The following LIPG variants were observed in gnomAD, a reference collection of about 807,000 sequenced individuals.
LIPG encodes the protein endothelial lipase.
LIPG carries 34 observed loss-of-function variants against 51.8 expected under a neutral mutation model. The observed-to-expected ratio is 0.66, with a 90% CI of 0.50 to 0.87. The LOEUF is 0.87. LIPG is among the 40% of genes least tolerant of loss of function. LIPG has a pLI of 0.00. For missense variants in LIPG, 580 were observed against 652.7 expected, an observed-to-expected ratio of 0.89 and a Z score of 1.21; for synonymous variants, 246 against 246.1, an observed-to-expected ratio of 1.00 and a Z score of 0.00.
chr18:49,579,341 CCTT>C (rs1405292004), intron 5 of LIPG, among the ~76,000 whole-genome samples: 1 of 151,146 alleles, frequency 6.6e-6, no homozygotes, highest in Non-Finnish European at 1.5e-5. Context: ...TTCTTCTTCT[CCTT>C]CTTCCTCACT....
At chr18:49,561,684 G>A (rs1600538257), upstream of LIPG, 2 of 1,243,084 alleles carry the variant, frequency 1.6e-6, no homozygotes, top group Admixed American at 3.8e-5. Flanking sequence ...GCCTTGGAGA[G>A]GATGCTCTCC....
At chr18:49,569,924 G>A (rs74558535) in intron 4 of LIPG, among the ~76,000 whole-genome samples, 20,385 of 152,168 alleles carry the variant, frequency 0.13, 1,463 homozygotes, top group Middle Eastern at 0.19. Flanking sequence ...AAACAAACAC[G>A]GAGAGGTGAG....
intron 4 of LIPG, among the ~76,000 whole-genome samples, chr18:49,570,874 A>T (rs776694158): frequency 5.9e-5 from 9 of 152,206 alleles, no homozygotes; most frequent in Non-Finnish European, 1.2e-4. Flanking sequence ...TTAGCTAAAT[A>T]ACGATTTGGT....
chr18:49,570,995 T>C (rs1306675883), intron 4 of LIPG, among the ~76,000 whole-genome samples: 3 of 152,250 alleles, frequency 2.0e-5, no homozygotes, highest in Non-Finnish European at 4.4e-5. Context: ...TTGAGTCTAG[T>C]ATGTGCGTGC....
chr18:49,584,743 CTG>C (rs1380251609), intron 8 of LIPG, among the ~76,000 whole-genome samples: 2 of 152,190 alleles, frequency 1.3e-5, no homozygotes, highest in Admixed American at 6.5e-5. Context: ...GTGGTCTAGA[CTG>C]TGTATGTTTT....
chr18:49,585,955 T>C (rs189823404), intron 8 of LIPG, among the ~76,000 whole-genome samples: 4 of 152,302 alleles, frequency 2.6e-5, no homozygotes, highest in African/African-American at 7.2e-5. Flanking sequence ...CTAAGGTCCT[T>C]AGGGCTTCCT....
At position 49,575,602 on chromosome 18, in the gene LIPG, C is replaced by G; in HGVS notation, c.793+12C>G. On this transcript the variant is annotated intron_variant, in intron 5 of 9. Transcript: ENST00000261292. Reference sequence around the variant, plus strand: ...AATTGCATATGGAAGTGAGTTCCCTCTTTTCTGCTTTGTGTTTGACTCAGT... The same window carrying G: ...AATTGCATATGGAAGTGAGTTCCCTGTTTTCTGCTTTGTGTTTGACTCAGT... The G allele has an allele frequency of 6.2e-7, 1 of 1,608,062 alleles. No homozygotes were observed. Among genetic ancestry groups the G allele is most frequent in the Non-Finnish European group, 8.5e-7 (1 of 1,175,404 alleles).
Position 49,591,544 on chromosome 18 carries a change from A to C in LIPG, c.*1022A>C, listed in dbSNP as rs1374447124. 1 of 152,024 alleles carries C rather than the reference A, an allele frequency of 6.6e-6. No individual in the cohort carries two copies. Among genetic ancestry groups the C allele is most frequent in the Non-Finnish European group, 1.5e-5 (1 of 68,004 alleles). 9.4% of individuals were successfully genotyped at this position (152,024 alleles called of 1,614,324 possible). On this transcript the variant is annotated 3_prime_UTR_variant, in exon 10 of 10. Transcript: ENST00000261292. ...ATAGAAGTTATGACATATGTAATAC[A>C]CATCTGTGTACACAGAAACCGGCAC...
chr18:49,561,729 T>G, upstream of LIPG: 1 of 1,242,834 alleles, frequency 8.0e-7, no homozygotes, highest in Non-Finnish European at 1.0e-6. Context: ...GGACGCAGAG[T>G]TTCAGGGAAA....
chr18:49,582,917 C>T (rs1310319425), intron 7 of LIPG, among the ~76,000 whole-genome samples: 1 of 152,194 alleles, frequency 6.6e-6, no homozygotes, highest in East Asian at 1.9e-4. Context: ...AGCATCATGC[C>T]AAGTAATGTT....
At position 49,575,577 on chromosome 18, in the gene LIPG, A is replaced by C. The variant is rs2084707624; in HGVS notation, c.780A>C (p.Ser260=). ...GTGGACTCAACGATGTCTTGGGATC[A>C]ATTGCATATGGAAGTGAGTTCCCTC... ...PGCGLNDVLG[S]IAYGTITEVV... is the part of the protein sequence containing the mutation. The change falls in exon 5 of 10, where the codon TCA becomes TCC. Residue 260 remains serine (S), a synonymous_variant. Transcript: ENST00000261292. 1 of 1,614,034 alleles carries C rather than the reference A, an allele frequency of 6.2e-7. No individual in the cohort carries two copies. Among genetic ancestry groups the C allele is most frequent in the Non-Finnish European group, 8.5e-7 (1 of 1,179,944 alleles).
In LIPG at chr18:49,562,332, C is replaced by G; in HGVS notation, c.24C>G (p.Leu8=). The G allele has an allele frequency of 6.2e-7, 1 of 1,613,666 alleles. No homozygotes were observed. Among genetic ancestry groups the G allele is most frequent in the South Asian group, 1.1e-5 (1 of 91,050 alleles). Reference sequence around the variant, plus strand: ...GGATGAGCAACTCCGTTCCTCTGCTCTGTTTCTGGAGCCTCTGCTATTGCT... The same window carrying G: ...GGATGAGCAACTCCGTTCCTCTGCTGTGTTTCTGGAGCCTCTGCTATTGCT... MSNSVPL[L]CFWSLCYCFA... Residue 8 remains leucine, a synonymous_variant, in exon 1 of 10, where the codon CTC becomes CTG. Transcript: ENST00000261292.
At chr18:49,561,826 G>A, upstream of LIPG, 1 of 1,254,678 alleles carries the variant, frequency 8.0e-7, no homozygotes, top group Non-Finnish European at 1.0e-6. Flanking sequence ...TGGAGCTGCT[G>A]GAGTCGCAGC....
At chr18:49,561,909 C>G (rs986189263), upstream of LIPG, 13 of 1,334,318 alleles carry the variant, frequency 9.7e-6, no homozygotes, top group Non-Finnish European at 1.0e-5. Context: ...GCAGCGCTTT[C>G]ATTCAAACTT....
At position 49,597,874 on chromosome 18, in the gene LIPG, G is replaced by T. The variant is rs1385800090; in HGVS notation, c.*7352G>T. On this transcript the variant is annotated 3_prime_UTR_variant, in exon 10 of 10. Transcript: ENST00000261292. ...GAGGCAGGGTTATCTCACTGGAATGGAGAAGCTAAAATGACATTATCTTTA... is the reference window on the plus strand; with the variant it reads ...GAGGCAGGGTTATCTCACTGGAATGTAGAAGCTAAAATGACATTATCTTTA... 2 of 152,246 alleles carry T rather than the reference G, an allele frequency of 1.3e-5. No individual in the cohort carries two copies. The highest frequency in any genetic ancestry group is 2.9e-5 in the Non-Finnish European group (2 of 68,054). The allele number at this position is 152,246 out of a possible 1,614,324, so 9.4% of individuals were successfully genotyped here.
Position 49,586,773 on chromosome 18 carries a change from G to A in LIPG, c.1404G>A (p.Glu468=). The A allele has an allele frequency of 6.2e-7, 1 of 1,614,066 alleles. No individual in the cohort carries two copies. The highest frequency in any genetic ancestry group is 1.7e-5 in the Admixed American group (1 of 60,020). ...RKLTFCTEDP[E]NTSISPGREL... ...TGACATTTTGTACAGAAGACCCTGA[G>A]AACACCAGCATATCCCCAGGCCGGG... is the stretch of plus-strand genomic sequence containing the variant. Residue 468 remains glutamate, a synonymous_variant, in exon 9 of 10, where the codon GAG becomes GAA. Coordinates refer to ENST00000261292, the MANE Select transcript of LIPG (RefSeq NM_006033.4).
Position 49,575,412 on chromosome 18 carries a change from C to A in LIPG, c.615C>A (p.His205Gln). ...CCATGTTTGAAGGGGCCGACATCCA[C>A]AAGAGGCTCTCTCCGGACGATGCAG... ...AGPMFEGADI[H>Q]KRLSPDDADF... The change falls in exon 5 of 10, where the codon CAC becomes CAA. Residue 205 changes from histidine (H) to glutamine (Q), a missense_variant. His to Gln is a conservative substitution (Grantham distance 24). Transcript: ENST00000261292. The A allele has an allele frequency of 2.5e-6, 4 of 1,613,848 alleles. No homozygotes were observed. The highest frequency in any genetic ancestry group is 2.5e-6 in the Non-Finnish European group (3 of 1,180,048).
At chr18:49,568,190 CAGCTAATTTTTTTGTATTTTTAGT>C (rs1408017695) in intron 3 of LIPG, among the ~76,000 whole-genome samples, 1 of 151,980 alleles carries the variant, frequency 6.6e-6, no homozygotes, top group Non-Finnish European at 1.5e-5. Flanking sequence ...TCACCATGCC[CAGCTAATTTTTTTGTATTTTTAGT>C]AGAGATGGGA....
At chr18:49,575,940 G>A (rs2084711655) in intron 5 of LIPG, among the ~76,000 whole-genome samples, 3 of 151,366 alleles carry the variant, frequency 2.0e-5, no homozygotes, top group Non-Finnish European at 4.4e-5. Flanking sequence ...CCTGGTTCAA[G>A]CGATTCTCCT....
Sources: allele counts gnomAD v4.1 joint callset (sites outside exome capture counted in the v4.1 genomes callset), GRCh38; gene constraint gnomAD v4.1.1; transcripts MANE v1.5; gene names NCBI Gene and HGNC (gene_info 2026-07-23, HGNC 2026-07-21).